Variants in PPP2R5A observed in about 807,000 individuals in gnomAD.
PPP2R5A encodes serine/threonine-protein phosphatase 2A 56 kDa regulatory subunit alpha isoform.
A neutral mutation model predicts 64.2 loss-of-function variants in PPP2R5A; 25 were observed. That is an observed-to-expected ratio of 0.39 (90% CI 0.28 to 0.54). PPP2R5A has a LOEUF of 0.54. Among genes scored for constraint, PPP2R5A ranks in the 20% least tolerant of loss-of-function variants. The probability of loss-of-function intolerance (pLI) is 0.67; values close to 1 mark genes in which losing one functional copy is unlikely to be tolerated. For synonymous variants in PPP2R5A, 198 were observed against 201.2 expected, an observed-to-expected ratio of 0.98 and a Z score of 0.13; for missense variants, 425 against 576.3, an observed-to-expected ratio of 0.74 and a Z score of 2.69.
At chr1:212,326,202 T>C (rs1441719906) in intron 1 of PPP2R5A, among the ~76,000 whole-genome samples, 2 of 152,166 alleles carry the variant, frequency 1.3e-5, no homozygotes, top group African/African-American at 4.8e-5. Context: ...GATAACTGTT[T>C]AGCATATTAC....
chr1:212,358,556 C>T, intron 11 of PPP2R5A, 130 bp from the exon 12 acceptor site: 1 of 606,464 alleles, frequency 1.6e-6, no homozygotes, highest in South Asian at 2.4e-5. Flanking sequence ...CCTCTTGAGC[C>T]TCAGTTTTAT....
chr1:212,321,776 C>A (rs1487056723), intron 1 of PPP2R5A, among the ~76,000 whole-genome samples: 1 of 151,792 alleles, frequency 6.6e-6, no homozygotes, highest in Non-Finnish European at 1.5e-5. Context: ...CCTCACTTCC[C>A]AGACGGGGTG....
intron 11 of PPP2R5A, among the ~76,000 whole-genome samples, chr1:212,357,720 A>G (rs1229582042): frequency 6.6e-6 from 1 of 150,666 alleles, no homozygotes; most frequent in Non-Finnish European, 1.5e-5. Context: ...GGAGAATGGC[A>G]TGAACCTGGG....
intron 1 of PPP2R5A, among the ~76,000 whole-genome samples, chr1:212,324,095 T>C (rs1659364886): frequency 6.6e-6 from 1 of 151,852 alleles, no homozygotes; most frequent in South Asian, 2.1e-4. Context: ...ATGTGTAACA[T>C]GTTCTTAAAC....
intron 1 of PPP2R5A, among the ~76,000 whole-genome samples, chr1:212,302,816 T>C (rs1443269267): frequency 6.6e-6 from 1 of 152,224 alleles, no homozygotes; most frequent in Non-Finnish European, 1.5e-5. Flanking sequence ...ATTCTGGACA[T>C]TTCATGTGAA....
At chr1:212,322,627 C>A (rs1443332770) in intron 1 of PPP2R5A, among the ~76,000 whole-genome samples, 1 of 152,122 alleles carries the variant, frequency 6.6e-6, no homozygotes, top group Non-Finnish European at 1.5e-5. Flanking sequence ...CTCATTTAAC[C>A]GTTTACAGTA....
chr1:212,330,342 A>G (rs1571598090), intron 2 of PPP2R5A, among the ~76,000 whole-genome samples: 2 of 152,172 alleles, frequency 1.3e-5, no homozygotes, highest in African/African-American at 4.8e-5. Context: ...CAGCCTGGCC[A>G]GCATAGCAAG....
At chr1:212,322,250 AGAGGGAGAGGGAGAG>A (rs544377404) in intron 1 of PPP2R5A, among the ~76,000 whole-genome samples, 4,907 of 106,978 alleles carry the variant, frequency 0.046, 611 homozygotes, top group African/African-American at 0.11. Context: ...GAGAGGAGGG[AGAGGGAGAGGGAGAG>A]GAGGGAGAGG....
At chr1:212,320,474 C>T (rs766630990) in intron 1 of PPP2R5A, among the ~76,000 whole-genome samples, 104 of 152,282 alleles carry the variant, frequency 6.8e-4, no homozygotes, top group Admixed American at 4.3e-3. Flanking sequence ...ACCTCCCAGA[C>T]GGGGTGGTGG....
At chr1:212,289,720 C>G (rs979010943) in intron 1 of PPP2R5A, among the ~76,000 whole-genome samples, 28 of 151,682 alleles carry the variant, frequency 1.8e-4, no homozygotes, top group Non-Finnish European at 3.1e-4. Context: ...ATGTTAGTTC[C>G]CATTCTCTTA....
At chr1:212,333,432 C>G in intron 2 of PPP2R5A, 65 bp from the exon 3 acceptor site, 3 of 1,034,362 alleles carry the variant, frequency 2.9e-6, no homozygotes, top group Non-Finnish European at 4.0e-6. Context: ...TAAAATACTT[C>G]GTTTTGAATT....
chr1:212,321,475 G>A (rs1265530095), intron 1 of PPP2R5A, among the ~76,000 whole-genome samples: 1 of 150,526 alleles, frequency 6.6e-6, no homozygotes, highest in Admixed American at 6.6e-5. Context: ...CTCAGACGGT[G>A]TGGCTGCCGG....
Position 212,286,222 on chromosome 1 carries a change from T to C in PPP2R5A, c.112T>C (p.Ser38Pro), listed in dbSNP as rs1658495411. Residue 38 changes from serine to proline, a missense_variant, in exon 1 of 13, where the codon TCC becomes CCC. By Grantham distance (74) the Ser-to-Pro change is moderately conservative. Around this residue, in one of 4 missense-constraint regions of PPP2R5A, gnomAD observed 104 missense variants for 95.7 expected, o/e 1.09. Coordinates refer to ENST00000261461, the MANE Select transcript of PPP2R5A (RefSeq NM_006243.4). ...SVRKAQRQKR[S>P]QGSSQFRSQG... is the part of the protein sequence containing the mutation. ...CCGCAAGGCGCAGAGGCAGAAGCGC[T>C]CCCAGGGCTCGTCGCAGTTTCGCAG... 7 of 1,569,424 alleles carry C rather than the reference T, an allele frequency of 4.5e-6. No individual in the cohort carries two copies. Among genetic ancestry groups the C allele is most frequent in the East Asian group, 2.4e-5 (1 of 41,786 alleles).
chr1:212,317,893 G>A lies in PPP2R5A; in HGVS notation c.182-11242G>A, dbSNP rs1659188463. 2.0e-5 allele frequency among the ~76,000 whole-genome samples: 3 copies of A among 152,014 alleles called. No individual in the cohort carries two copies. The South Asian group carries it at 6.2e-4, about 32-fold the overall frequency. On this transcript the variant is annotated intron_variant, in intron 1 of 12. Coordinates refer to ENST00000261461, the MANE Select transcript of PPP2R5A (RefSeq NM_006243.4). ...CCCAGCTACTTGGGAGGCTGAGGCAGGAGAATCGCTTGAACCTGGGAGGCA... is the reference window on the plus strand; with the variant it reads ...CCCAGCTACTTGGGAGGCTGAGGCAAGAGAATCGCTTGAACCTGGGAGGCA...
intron 12 of PPP2R5A, among the ~76,000 whole-genome samples, chr1:212,359,418 T>A (rs983557994): frequency 2.0e-5 from 3 of 152,232 alleles, no homozygotes; most frequent in African/African-American, 7.2e-5. Flanking sequence ...TTTTAGAGTA[T>A]AAATGTTAGC....
At position 212,345,978 on chromosome 1, in the gene PPP2R5A, A is replaced by T. The variant is rs771788676; in HGVS notation, c.704+45A>T. The stretch of plus-strand genomic sequence containing the variant: ...TATATTGCACCTTTTCCTCCTACAT[A>T]TCTTCTTGTATTCAAGTTCTTTTAT... On this transcript the variant is annotated intron_variant, in intron 5 of 12. Coordinates refer to ENST00000261461, the MANE Select transcript of PPP2R5A (RefSeq NM_006243.4). 2.0e-6 allele frequency: 3 copies of T among 1,502,252 alleles called. No homozygotes were observed. In the Admixed American group the frequency reaches 6.5e-5, roughly 32 times the overall value. The allele number at this position is 1,502,252 out of a possible 1,614,324, so 93.1% of individuals were successfully genotyped here. A position where few individuals can be genotyped will look rare whatever the true frequency, so the allele number is the denominator to read the frequency against.
chr1:212,359,132 C>T (rs1340869892), intron 12 of PPP2R5A, among the ~76,000 whole-genome samples: 1 of 152,192 alleles, frequency 6.6e-6, no homozygotes, highest in African/African-American at 2.4e-5. Flanking sequence ...CTGTTAGCAT[C>T]TGCATATGAA....
intron 9 of PPP2R5A, 80 bp downstream of exon 9, chr1:212,356,756 G>T: frequency 6.8e-7 from 1 of 1,477,310 alleles, no homozygotes; most frequent in Non-Finnish European, 9.3e-7. Context: ...TCTTTGGGCT[G>T]GCTGTATTGC....
At chr1:212,338,287 T>A (rs1311444258) in intron 3 of PPP2R5A, among the ~76,000 whole-genome samples, 1 of 152,196 alleles carries the variant, frequency 6.6e-6, no homozygotes, top group South Asian at 2.1e-4. Context: ...ACTTTTTAGT[T>A]ATCTTTCACT....
Sources: gnomAD v4.1 joint callset for allele counts (sites outside exome capture counted in the v4.1 genomes callset) on GRCh38, gnomAD v4.1.1 for gene constraint, gnomAD v4.1.1 regional missense constraint, MANE v1.5 for transcripts, NCBI Gene and HGNC (gene_info 2026-07-23, HGNC 2026-07-21) for gene names.